Variants in THSD4 observed in about 807,000 individuals in gnomAD.
The protein encoded by THSD4 is thrombospondin type-1 domain-containing protein 4.
THSD4 carries 69 observed loss-of-function variants against 119.0 expected under a neutral mutation model. The ratio of observed to expected loss-of-function variants is 0.58; its 90% confidence interval spans 0.48 to 0.71. The LOEUF (loss-of-function observed/expected upper bound fraction) is 0.71. Among genes scored for constraint, THSD4 ranks in the 30% least tolerant of loss-of-function variants. The pLI, the probability that THSD4 is intolerant of heterozygous loss-of-function variation, is 0.00. For missense variants in THSD4, 1,393 were observed against 1,391.1 expected (o/e 1.00, Z -0.02); for synonymous variants, 524 against 540.4 (o/e 0.97, Z 0.42).
chr15:71,526,637 T>C (rs533131050), intron 7 of THSD4, among the ~76,000 whole-genome samples: 14 of 152,330 alleles, frequency 9.2e-5, no homozygotes, highest in Middle Eastern at 3.4e-3. Context: ...ACTGCATATG[T>C]GAAATGAAGC....
At chr15:71,387,970 C>G (rs1040218193) in intron 6 of THSD4, among the ~76,000 whole-genome samples, 1 of 152,202 alleles carries the variant, frequency 6.6e-6, no homozygotes, top group Non-Finnish European at 1.5e-5. Flanking sequence ...CAACCCAGAG[C>G]TATTTAATCT....
intron 7 of THSD4, among the ~76,000 whole-genome samples, chr15:71,646,914 T>G (rs2050980798): frequency 6.6e-6 from 1 of 152,108 alleles, no homozygotes; most frequent in African/African-American, 2.4e-5. Flanking sequence ...ATCAGCTCGT[T>G]TAAGTGATGG....
At chr15:71,726,899 T>C (rs1351799891) in intron 8 of THSD4, among the ~76,000 whole-genome samples, 1 of 151,188 alleles carries the variant, frequency 6.6e-6, no homozygotes, top group African/African-American at 2.4e-5. Flanking sequence ...ATCGCACCAT[T>C]GCACTCCGGC....
In THSD4 at chr15:71,748,482, G is replaced by T; in HGVS notation, c.2303G>T (p.Gly768Val). ...TRDVKCVSNI[G>V]DVVDDEECNM... ...GATGTGAAGTGTGTGAGCAACATTG[G>T]GGATGTGGTTGACGATGAGGAATGC... Residue 768 changes from glycine (G) to valine (V), a missense_variant, in exon 14 of 18, where the codon GGG (glycine) becomes GTG (valine). Gly to Val is a moderately radical substitution (Grantham distance 109). Coordinates refer to ENST00000261862, the MANE Select transcript of THSD4 (RefSeq NM_024817.3). 6.2e-7 allele frequency: 1 copy of T among 1,614,238 alleles called. No individual in the cohort carries two copies. Among genetic ancestry groups the T allele is most frequent in the Non-Finnish European group, 8.5e-7 (1 of 1,180,040 alleles).
At chr15:71,365,163 G>GTA (rs1246500072) in intron 6 of THSD4, among the ~76,000 whole-genome samples, 2 of 151,348 alleles carry the variant, frequency 1.3e-5, no homozygotes, top group East Asian at 3.9e-4. Context: ...GTGTGTGTGT[G>GTA]TGTATGAGAG....
At chr15:71,124,393 G>A (rs1427368387) in intron 1 of THSD4, among the ~76,000 whole-genome samples, 1 of 152,166 alleles carries the variant, frequency 6.6e-6, no homozygotes. Context: ...AACAGGCAGA[G>A]GGTCAGGTTT....
intron 8 of THSD4, among the ~76,000 whole-genome samples, chr15:71,714,201 T>C (rs8027192): frequency 0.21 from 31,296 of 152,106 alleles, 5,218 homozygotes; most frequent in African/African-American, 0.46. Flanking sequence ...GATTATGAGA[T>C]GAAGATAGTT....
chr15:71,339,245 TTG>T (rs1175528167), intron 6 of THSD4, among the ~76,000 whole-genome samples: 1 of 152,186 alleles, frequency 6.6e-6, no homozygotes, highest in Non-Finnish European at 1.5e-5. Context: ...TTTGTATTTT[TTG>T]TCTCTGTCTA....
At chr15:71,642,459 C>T (rs943249191) in intron 7 of THSD4, among the ~76,000 whole-genome samples, 2 of 152,114 alleles carry the variant, frequency 1.3e-5, no homozygotes, top group African/African-American at 4.8e-5. Flanking sequence ...GGTATATACC[C>T]AAAGGACTAT....
chr15:71,318,497 C>T (rs1398876303), intron 6 of THSD4, among the ~76,000 whole-genome samples: 1 of 152,180 alleles, frequency 6.6e-6, no homozygotes, highest in East Asian at 1.9e-4. Context: ...CCTAGCCCAG[C>T]ATAAAGGCTC....
At chr15:71,479,260 C>T (rs1408113333) in intron 7 of THSD4, among the ~76,000 whole-genome samples, 1 of 146,462 alleles carries the variant, frequency 6.8e-6, no homozygotes, top group Non-Finnish European at 1.5e-5. Flanking sequence ...ACATATTTTG[C>T]ACCGATTCCC....
chr15:71,516,698 A>G (rs750989289), intron 7 of THSD4, among the ~76,000 whole-genome samples: 10 of 152,216 alleles, frequency 6.6e-5, no homozygotes, highest in Admixed American at 1.3e-4. Flanking sequence ...CAGACAAATT[A>G]CAATTTCACT....
chr15:71,577,558 C>A (rs1174123870), intron 7 of THSD4, among the ~76,000 whole-genome samples: 1 of 151,996 alleles, frequency 6.6e-6, no homozygotes, highest in Non-Finnish European at 1.5e-5. Context: ...GAAATGCTTT[C>A]GAAACTGTGA....
At chr15:71,342,274 T>A (rs1313919498) in intron 6 of THSD4, 2 of 175,030 alleles carry the variant, frequency 1.1e-5, no homozygotes, top group Non-Finnish European at 2.4e-5. Context: ...AGAGTTTGTG[T>A]TACAGAGACT....
intron 7 of THSD4, among the ~76,000 whole-genome samples, chr15:71,482,921 C>T (rs907910781): frequency 6.6e-6 from 1 of 152,116 alleles, no homozygotes; most frequent in Non-Finnish European, 1.5e-5. Flanking sequence ...GCAAACCTTT[C>T]TCATAACTGC....
intron 8 of THSD4, among the ~76,000 whole-genome samples, chr15:71,702,648 C>T (rs1412158359): frequency 6.6e-6 from 1 of 152,204 alleles, no homozygotes; most frequent in Non-Finnish European, 1.5e-5. Flanking sequence ...AAGTCATCAA[C>T]TGGGCTTTCT....
intron 7 of THSD4, among the ~76,000 whole-genome samples, chr15:71,517,227 A>C (rs1390871096): frequency 6.6e-6 from 1 of 152,212 alleles, no homozygotes; most frequent in Non-Finnish European, 1.5e-5. Flanking sequence ...CTGATTTGAT[A>C]ATGGATCACT....
At chr15:71,356,734 G>T (rs895524936) in intron 6 of THSD4, among the ~76,000 whole-genome samples, 2 of 152,108 alleles carry the variant, frequency 1.3e-5, no homozygotes, top group Non-Finnish European at 2.9e-5. Context: ...TCTCATGGTG[G>T]TCCATCTATT....
At chr15:71,576,184 TTTG>T (rs1236620282) in intron 7 of THSD4, among the ~76,000 whole-genome samples, 3 of 152,168 alleles carry the variant, frequency 2.0e-5, no homozygotes, top group African/African-American at 7.2e-5. Context: ...TTTTGGAAAT[TTTG>T]TTCTATAAAA....
Sources: gnomAD v4.1 joint callset for allele counts (sites outside exome capture counted in the v4.1 genomes callset) on GRCh38, gnomAD v4.1.1 for gene constraint, MANE v1.5 for transcripts, NCBI Gene and HGNC (gene_info 2026-07-23, HGNC 2026-07-21) for gene names.